The following C18orf63 variants were observed in gnomAD, a reference collection of about 807,000 sequenced individuals.
The protein encoded by C18orf63 is chromosome 18 open reading frame 63, also known as uncharacterized protein C18orf63.
C18orf63 carries 50 observed loss-of-function variants against 75.3 expected under a neutral mutation model. The ratio of observed to expected loss-of-function variants is 0.66; its 90% CI spans 0.53 to 0.84. C18orf63 has a LOEUF of 0.84. Among genes scored for constraint, C18orf63 ranks in the 40% least tolerant of loss-of-function variants. C18orf63 has a pLI of 0.00. For missense variants in C18orf63, 732 were observed against 800.2 expected (o/e 0.91, Z 1.03); for synonymous variants, 232 against 267.6 (o/e 0.87, Z 1.30).
chr18:74,320,699 G>A, intron 3 of C18orf63, 108 bp downstream of exon 3: 20 of 628,866 alleles, frequency 3.2e-5, no homozygotes, highest in Non-Finnish European at 5.2e-5. Flanking sequence ...AGGATTAATT[G>A]ATTAATCACA....
chr18:74,331,277 G>T (rs888888361), intron 7 of C18orf63, among the ~76,000 whole-genome samples: 7 of 152,108 alleles, frequency 4.6e-5, no homozygotes, highest in South Asian at 2.1e-4. Context: ...TAAAAAGCAT[G>T]ATTTCAGCTC....
intron 7 of C18orf63, among the ~76,000 whole-genome samples, chr18:74,335,221 G>T (rs538031382): frequency 6.6e-6 from 1 of 152,232 alleles, no homozygotes; most frequent in Admixed American, 6.5e-5. Flanking sequence ...TGGAGTGAAA[G>T]ACTAATTTAT....
chr18:74,323,398 A>G (rs1009258771), intron 4 of C18orf63, among the ~76,000 whole-genome samples: 5 of 152,254 alleles, frequency 3.3e-5, no homozygotes, highest in Non-Finnish European at 5.9e-5. Flanking sequence ...TAAAATGTCA[A>G]TAACACTTTC....
chr18:74,349,018 A>G (rs1984621107), intron 11 of C18orf63, among the ~76,000 whole-genome samples: 2 of 152,228 alleles, frequency 1.3e-5, no homozygotes, highest in Non-Finnish European at 2.9e-5. Context: ...CCACACACAT[A>G]TTCTAGTACA....
rs1984260701 is a variant in C18orf63 at position 74,329,167 on chromosome 18, T to A, written c.424+131T>A. The A allele has an allele frequency of 5.2e-6, 3 of 581,686 alleles. No individual in the cohort carries two copies. The South Asian group carries it at 6.3e-5, about 12-fold the overall frequency. 36.0% of individuals were successfully genotyped at this position (581,686 alleles called of 1,614,324 possible). A position where few individuals can be genotyped will look rare whatever the true frequency, so the allele number is the denominator to read the frequency against. On this transcript the variant is annotated intron_variant, in intron 6 of 13. Coordinates refer to ENST00000579455, the MANE Select transcript of C18orf63 (RefSeq NM_001174123.2). ...GGTTTGGGAGGCCAAGGTAGGTAGA[T>A]TGTTTGAGCCCACAAGTTCAAGACC...
chr18:74,353,163 G>C, intron 11 of C18orf63, 83 bp from the exon 12 acceptor site: 2 of 919,076 alleles, frequency 2.2e-6, no homozygotes, highest in South Asian at 3.7e-5. Flanking sequence ...ATTCTTATTT[G>C]GATGATACTT....
At chr18:74,329,118 G>C (rs568875079) in intron 6 of C18orf63, 82 bp downstream of exon 6, 1 of 904,442 alleles carries the variant, frequency 1.1e-6, no homozygotes, top group African/African-American at 1.6e-5. Context: ...GCTGGGCACA[G>C]TGGCTCACGC....
chr18:74,341,820 A>G (rs1165423245), intron 8 of C18orf63, among the ~76,000 whole-genome samples: 2 of 152,172 alleles, frequency 1.3e-5, no homozygotes, highest in Non-Finnish European at 2.9e-5. Context: ...TATGTCATAC[A>G]TGATAAATAA....
At chr18:74,340,032 A>G (rs546547984) in intron 8 of C18orf63, among the ~76,000 whole-genome samples, 74 of 152,320 alleles carry the variant, frequency 4.9e-4, no homozygotes, top group African/African-American at 1.7e-3. Flanking sequence ...AAAAGCTTCT[A>G]TATGGCAAAG....
chr18:74,348,378 A>G (rs1302479436), intron 11 of C18orf63, among the ~76,000 whole-genome samples: 3 of 78,514 alleles, frequency 3.8e-5, no homozygotes, highest in Non-Finnish European at 9.9e-5. Flanking sequence ...TTCTGATTCA[A>G]CTTGAAGCAA....
Position 74,318,101 on chromosome 18 carries a change from TTG to T in C18orf63, c.134+106_134+107del, listed in dbSNP as rs1323887210. 20 of 675,992 alleles carry T rather than the reference TTG, an allele frequency of 3.0e-5. No individual in the cohort carries two copies. In the South Asian group the frequency reaches 4.3e-4, roughly 14 times the overall value. 41.9% of individuals were successfully genotyped at this position (675,992 alleles called of 1,614,324 possible). A position where few individuals can be genotyped will look rare whatever the true frequency, so the allele number is the denominator to read the frequency against. ...AAAGCAAAATACTCATTCACTCAAC[TTG>T]TGTTTATAATTTTAAAATAAAGGAA... On this transcript the variant is annotated intron_variant, in intron 2 of 13. Coordinates refer to ENST00000579455, the MANE Select transcript of C18orf63 (RefSeq NM_001174123.2).
At chr18:74,346,637 A>G (rs906099185) in intron 11 of C18orf63, among the ~76,000 whole-genome samples, 6 of 152,232 alleles carry the variant, frequency 3.9e-5, no homozygotes, top group African/African-American at 1.4e-4. Flanking sequence ...ATGTTGTTAC[A>G]TCATGCATGT....
chr18:74,318,211 G>T (rs1461792560), intron 2 of C18orf63, among the ~76,000 whole-genome samples: 1 of 152,122 alleles, frequency 6.6e-6, no homozygotes, highest in African/African-American at 2.4e-5. Flanking sequence ...TCTCACTGTT[G>T]AGTTTTTATA....
rs908290263 is a variant in C18orf63, at chr18:74,320,697, T to C, written c.213+106T>C. 2.6e-4 allele frequency: 169 copies of C among 654,222 alleles called. No homozygotes were observed. The African/African-American group carries it at 2.9e-3, about 11-fold the overall frequency. The allele number at this position is 654,222 out of a possible 1,614,324, so 40.5% of individuals were successfully genotyped here. On this transcript the variant is annotated intron_variant, in intron 3 of 13. Transcript: ENST00000579455. ...AAGTTAAGATGTTTATGAGGATTAA[T>C]TGATTAATCACAATGTGTTACAGGT...
chr18:74,332,161 A>G (rs1322900938), intron 7 of C18orf63, among the ~76,000 whole-genome samples: 1 of 152,176 alleles, frequency 6.6e-6, no homozygotes, highest in African/African-American at 2.4e-5. Flanking sequence ...TTTATTTATT[A>G]AAGTTATAGA....
intron 4 of C18orf63, among the ~76,000 whole-genome samples, chr18:74,325,368 T>A (rs1274386568): frequency 6.6e-6 from 1 of 152,218 alleles, no homozygotes; most frequent in Non-Finnish European, 1.5e-5. Flanking sequence ...TGATTTCCAA[T>A]GTAATTGTTG....
intron 8 of C18orf63, 114 bp from the exon 9 acceptor site, chr18:74,341,918 A>G (rs1402021013): frequency 1.2e-5 from 7 of 599,054 alleles, no homozygotes; most frequent in East Asian, 1.1e-4. Context: ...TTTACTATAT[A>G]TAGCTAGTGA....
Position 74,356,678 on chromosome 18 carries a change from C to A in C18orf63, c.*231C>A, listed in dbSNP as rs1196184564. 3 of 144,632 alleles carry A rather than the reference C, an allele frequency of 2.1e-5. No individual in the cohort carries two copies. In the South Asian group the frequency reaches 6.8e-4, roughly 33 times the overall value. 9.0% of individuals were successfully genotyped at this position (144,632 alleles called of 1,614,324 possible). A position where few individuals can be genotyped will look rare whatever the true frequency, so the allele number is the denominator to read the frequency against. ...CTATTGATAGACACTTCAGTTCTTCCCAACTTTTCACTATTACAACATCAT... is the reference window on the plus strand; with the variant it reads ...CTATTGATAGACACTTCAGTTCTTCACAACTTTTCACTATTACAACATCAT... On this transcript the variant is annotated 3_prime_UTR_variant, in exon 14 of 14. Coordinates refer to ENST00000579455, the MANE Select transcript of C18orf63 (RefSeq NM_001174123.2).
At chr18:74,317,552 G>T (rs753876888) in intron 1 of C18orf63, among the ~76,000 whole-genome samples, 7 of 152,182 alleles carry the variant, frequency 4.6e-5, no homozygotes, top group Non-Finnish European at 8.8e-5. Context: ...AATGATGGTT[G>T]CACAACTCTG....
Sources: allele counts gnomAD v4.1 joint callset (sites outside exome capture counted in the v4.1 genomes callset), GRCh38; gene constraint gnomAD v4.1.1; transcripts MANE v1.5; gene names NCBI Gene and HGNC (gene_info 2026-07-23, HGNC 2026-07-21).